The following LACTB2 variants were observed in gnomAD, a reference collection of about 807,000 sequenced individuals.
LACTB2 encodes endoribonuclease LACTB2.
A neutral mutation model predicts 34.8 loss-of-function variants in LACTB2; 32 were observed. That is an observed-to-expected ratio of 0.92 (90% CI 0.69 to 1.24). The LOEUF is 1.24. Among genes scored for constraint, LACTB2 ranks in the 50% most tolerant of loss-of-function variants. LACTB2 has a pLI of 0.00. For missense variants in LACTB2, 320 were observed against 345.0 expected (o/e 0.93, Z 0.57); for synonymous variants, 120 against 117.5 (o/e 1.02, Z -0.14).
At position 70,638,982 on chromosome 8, in the gene LACTB2, C is replaced by T. The variant is rs192877482; in HGVS notation, c.742-353G>A. Among the ~76,000 whole-genome samples the T allele has an allele frequency of 5.5e-3, 834 of 152,202 alleles. 10 individuals are homozygous for T. The highest frequency in any genetic ancestry group is 0.019 in the African/African-American group (787 of 41,526). ...CTCGATCTCTTGACCTTGTGATCCA[C>T]CTGCCTCGGCCTCCCAAAGTGCTGG... On this transcript the variant is annotated intron_variant, in intron 5 of 6. Coordinates refer to ENST00000276590, the MANE Select transcript of LACTB2 (RefSeq NM_016027.3).
At chr8:70,645,432 T>A (rs1415193844) in intron 3 of LACTB2, among the ~76,000 whole-genome samples, 1 of 152,146 alleles carries the variant, frequency 6.6e-6, no homozygotes, top group Non-Finnish European at 1.5e-5. Flanking sequence ...ATTTTAGTAG[T>A]TATTATCTAA....
chr8:70,643,208 C>CATTTTTTTTTTTTT (rs1818221357), intron 4 of LACTB2, among the ~76,000 whole-genome samples: 3 of 76,220 alleles, frequency 3.9e-5, no homozygotes, highest in African/African-American at 4.5e-5. Flanking sequence ...GTGTATTTTC[C>CATTTTTTTTTTTTT]TTTTTTTTTT....
intron 2 of LACTB2, chr8:70,660,330 CAA>C (rs970911305): frequency 3.0e-5 from 9 of 298,122 alleles, no homozygotes; most frequent in African/African-American, 1.8e-4. Context: ...AGAGGTAAGA[CAA>C]GAGAAGGAAA....
intron 2 of LACTB2, among the ~76,000 whole-genome samples, chr8:70,659,244 G>A (rs1311811751): frequency 6.6e-6 from 1 of 152,006 alleles, no homozygotes; most frequent in East Asian, 1.9e-4. Flanking sequence ...GTAAGATAAT[G>A]AAATAGTGTT....
chr8:70,648,771 C>CAG (rs2132073163), intron 3 of LACTB2, among the ~76,000 whole-genome samples: 2 of 152,250 alleles, frequency 1.3e-5, no homozygotes, highest in African/African-American at 4.8e-5. Context: ...ATAGTCAACT[C>CAG]CTCTGAGTTT....
intron 3 of LACTB2, among the ~76,000 whole-genome samples, chr8:70,647,666 G>A (rs1162233202): frequency 3.9e-5 from 6 of 152,288 alleles, no homozygotes; most frequent in Non-Finnish European, 8.8e-5. Context: ...GGAGAAAATG[G>A]AAGCCTAAAT....
rs1463863057 is a variant in LACTB2, at chr8:70,661,900, G to A, written c.123-3C>T. The A allele has an allele frequency of 6.3e-7, 1 of 1,594,188 alleles. No individual in the cohort carries two copies. Among genetic ancestry groups the A allele is most frequent in the Non-Finnish European group, 8.5e-7 (1 of 1,170,780 alleles). On this transcript the variant is annotated splice_polypyrimidine_tract_variant and splice_region_variant and intron_variant, in intron 1 of 6. Transcript: ENST00000276590. Reference sequence around the variant, plus strand: ...CTCCAGTGTCAATGAGGATTCTCCTGAAAATTAAATGGAAGATAATCACAC... The same window carrying A: ...CTCCAGTGTCAATGAGGATTCTCCTAAAAATTAAATGGAAGATAATCACAC...
At position 70,639,103 on chromosome 8, in the gene LACTB2, T is replaced by A. The variant is rs544343918; in HGVS notation, c.742-474A>T. On this transcript the variant is annotated intron_variant, in intron 5 of 6. Transcript: ENST00000276590. ...ATTTCACTTTGTATACATCTTGTTTTATATTCTATATATACTCCTATAGAT... is the reference window on the plus strand; with the variant it reads ...ATTTCACTTTGTATACATCTTGTTTAATATTCTATATATACTCCTATAGAT... 5.3e-5 allele frequency among the ~76,000 whole-genome samples: 8 copies of A among 152,278 alleles called. No homozygotes were observed. The South Asian group carries it at 1.7e-3, about 32-fold the overall frequency.
At chr8:70,645,934 G>A (rs1273566057) in intron 3 of LACTB2, 1 of 152,152 alleles carries the variant, frequency 6.6e-6, no homozygotes, top group Non-Finnish European at 1.5e-5. Flanking sequence ...TTGCTATTGT[G>A]AATAGTGCCG....
chr8:70,638,443 C>T (rs1258338256), intron 6 of LACTB2, 105 bp downstream of exon 6: 2 of 1,223,410 alleles, frequency 1.6e-6, no homozygotes, highest in Non-Finnish European at 2.2e-6. Context: ...AAGTGATATT[C>T]ATGGGAGAAC....
In LACTB2 at chr8:70,659,419, G is replaced by T. The variant is rs73684503; in HGVS notation, c.287-1537C>A. On this transcript the variant is annotated intron_variant, in intron 2 of 6. Transcript: ENST00000276590. ...GAAAGAGATATTTCAAAGAAAAATGGACAAGGCACAGAAATTTGCTAGTTT... is the reference window on the plus strand; with the variant it reads ...GAAAGAGATATTTCAAAGAAAAATGTACAAGGCACAGAAATTTGCTAGTTT... Among the ~76,000 whole-genome samples, 823 of 152,224 alleles carry T rather than the reference G, an allele frequency of 5.4e-3. 11 individuals carry two copies. The highest frequency in any genetic ancestry group is 0.019 in the African/African-American group (789 of 41,526).
At chr8:70,647,735 A>C (rs1818281459) in intron 3 of LACTB2, among the ~76,000 whole-genome samples, 1 of 152,212 alleles carries the variant, frequency 6.6e-6, no homozygotes, top group South Asian at 2.1e-4. Flanking sequence ...CTCAAAGTCT[A>C]AGGATTTAGG....
intron 5 of LACTB2, among the ~76,000 whole-genome samples, chr8:70,639,488 T>C (rs992272321): frequency 2.0e-5 from 3 of 152,166 alleles, no homozygotes; most frequent in Non-Finnish European, 4.4e-5. Context: ...TGTTCATTAC[T>C]GAATATTCAG....
At chr8:70,658,284 C>T (rs1818437975) in intron 2 of LACTB2, among the ~76,000 whole-genome samples, 2 of 152,158 alleles carry the variant, frequency 1.3e-5, no homozygotes, top group Admixed American at 6.5e-5. Flanking sequence ...AAAGGATAAA[C>T]ATTAATTAAT....
rs1314258132 is a variant in LACTB2 at position 70,667,822 on chromosome 8, G to C, written c.122+1177C>G. ...TCTCCAACATGGTGTTCTTCTAAGAGACTTTCCAGGGTAATTCTGATAATA... is the reference window on the plus strand; with the variant it reads ...TCTCCAACATGGTGTTCTTCTAAGACACTTTCCAGGGTAATTCTGATAATA... On this transcript the variant is annotated intron_variant, in intron 1 of 6. Coordinates refer to ENST00000276590, the MANE Select transcript of LACTB2 (RefSeq NM_016027.3). 2.0e-5 allele frequency among the ~76,000 whole-genome samples: 3 copies of C among 152,298 alleles called. No individual in the cohort carries two copies. In the East Asian group the frequency reaches 5.8e-4, roughly 29 times the overall value.
intron 5 of LACTB2, among the ~76,000 whole-genome samples, chr8:70,639,668 A>T (rs1006151224): frequency 6.6e-6 from 1 of 151,852 alleles, no homozygotes; most frequent in Admixed American, 6.6e-5. Flanking sequence ...TAATTTTTTT[A>T]AAAAAGTTTT....
At chr8:70,643,215 T>A (rs1414736767) in intron 4 of LACTB2, among the ~76,000 whole-genome samples, 3 of 5,240 alleles carry the variant, frequency 5.7e-4, no homozygotes, top group East Asian at 2.1e-3. Flanking sequence ...TTCCTTTTTT[T>A]TTTTTTTTTT....
chr8:70,637,884 G>C lies in LACTB2; in HGVS notation c.843C>G (p.Asp281Glu). 1 of 1,554,002 alleles carries C rather than the reference G, an allele frequency of 6.4e-7. No individual in the cohort carries two copies. Among genetic ancestry groups the C allele is most frequent in the South Asian group, 1.3e-5 (1 of 79,472 alleles). ...ACTAAAGATGAGCTTTCCATTTCTT[G>C]TCAGGATCTGTGTTGCTAACTGTAA... ...EGKIFSNTDP[D>E]KKWKAHL The change falls in exon 7 of 7, where the codon GAC becomes GAG. Residue 281 changes from aspartate to glutamate, a missense_variant. Asp to Glu is a conservative substitution (Grantham distance 45). Coordinates refer to ENST00000276590, the MANE Select transcript of LACTB2 (RefSeq NM_016027.3).
At chr8:70,659,107 C>T (rs1297046330) in intron 2 of LACTB2, among the ~76,000 whole-genome samples, 1 of 152,168 alleles carries the variant, frequency 6.6e-6, no homozygotes, top group Non-Finnish European at 1.5e-5. Context: ...CTGCAAAATA[C>T]TGGCTAGGAA....
Sources: allele counts gnomAD v4.1 joint callset (sites outside exome capture counted in the v4.1 genomes callset), GRCh38; gene constraint gnomAD v4.1.1; transcripts MANE v1.5; gene names NCBI Gene and HGNC (gene_info 2026-07-23, HGNC 2026-07-21).